Variants in PLB1 observed in about 807,000 individuals in gnomAD.
The protein encoded by PLB1 is phospholipase B1, also known as phospholipase B1, membrane-associated.
In PLB1, 242 loss-of-function variants were observed where a neutral mutation model predicts 227.4. The observed-to-expected ratio is 1.06, with a 90% CI of 0.96 to 1.18. The LOEUF is 1.18. Among genes scored for constraint, PLB1 ranks in the 50% most tolerant of loss-of-function variants. The pLI is 0.00. For synonymous variants in PLB1, 757 were observed against 682.2 expected (o/e 1.11, Z -1.71); for missense variants, 1,858 against 1,816.3 (o/e 1.02, Z -0.42).
intron 32 of PLB1, 84 bp from the exon 33 acceptor site, chr2:28,593,597 C>T: frequency 8.5e-7 from 1 of 1,176,070 alleles, no homozygotes; most frequent in South Asian, 1.3e-5. Context: ...ATTGGGAACC[C>T]CCTCTTTGGA....
chr2:28,534,844 ACT>A lies in PLB1; in HGVS notation c.555+2653_555+2654del, dbSNP rs370343044. Among the ~76,000 whole-genome samples the A allele has an allele frequency of 3.0e-3, 457 of 149,992 alleles. 2 individuals are homozygous for A. The highest frequency in any genetic ancestry group is 0.011 in the African/African-American group (440 of 40,868). On this transcript the variant is annotated intron_variant, in intron 9 of 57. Transcript: ENST00000327757. ...ACTCCAGCCTGGGTGACAGAGAGAGACTCTGTCTCAAAAGAAAATAAAAAAAA... is the reference window on the plus strand; with the variant it reads ...ACTCCAGCCTGGGTGACAGAGAGAGACTGTCTCAAAAGAAAATAAAAAAAA...
intron 33 of PLB1, chr2:28,594,444 A>C (rs1367872590): frequency 6.1e-6 from 1 of 163,846 alleles, no homozygotes; most frequent in Non-Finnish European, 1.3e-5. Flanking sequence ...TTTACCTGGG[A>C]AAACAACTAG....
Position 28,620,263 on chromosome 2 carries a change from A to C in PLB1, c.3316-2A>C. 6.3e-7 allele frequency: 1 copy of C among 1,592,948 alleles called. No homozygotes were observed. The highest frequency in any genetic ancestry group is 8.6e-7 in the Non-Finnish European group (1 of 1,167,476). ...CCTGAACTTTCTTTTTGCTTTTTAC[A>C]GACAGCAGTGGGAGCTCGACCAAAC... is the stretch of plus-strand genomic sequence containing the variant. On this transcript the variant is annotated splice_acceptor_variant, in intron 46 of 57. Coordinates refer to ENST00000327757, the MANE Select transcript of PLB1 (RefSeq NM_153021.5). LOFTEE classifies it high-confidence loss of function.
chr2:28,593,532 C>A, intron 32 of PLB1, 149 bp from the exon 33 acceptor site: 1 of 664,834 alleles, frequency 1.5e-6, no homozygotes, highest in South Asian at 1.8e-5. Context: ...AGGAGGATGG[C>A]AGACTTAGAG....
At chr2:28,562,956 G>A in intron 17 of PLB1, 85 bp from the exon 18 acceptor site, 2 of 1,290,262 alleles carry the variant, frequency 1.6e-6, no homozygotes, top group East Asian at 2.3e-5. Context: ...TGTTATCCTG[G>A]AAGTTGTTCC....
At chr2:28,566,478 A>G in intron 19 of PLB1, 2 of 336,768 alleles carry the variant, frequency 5.9e-6, no homozygotes, top group Non-Finnish European at 1.1e-5. Flanking sequence ...GCTAGTTGGA[A>G]AGGGGCTGGC....
At chr2:28,549,386 CTG>C (rs1309573941) in intron 15 of PLB1, among the ~76,000 whole-genome samples, 5 of 145,518 alleles carry the variant, frequency 3.4e-5, no homozygotes, top group Non-Finnish European at 3.0e-5. Flanking sequence ...GAGAAAATAA[CTG>C]GACATAAATG....
chr2:28,558,898 T>A (rs1036487303), intron 17 of PLB1, among the ~76,000 whole-genome samples: 2 of 152,180 alleles, frequency 1.3e-5, no homozygotes, highest in African/African-American at 4.8e-5. Flanking sequence ...TAGTCTTTTT[T>A]TTCTTTTTTA....
chr2:28,507,606 C>T (rs1409217113), intron 1 of PLB1, among the ~76,000 whole-genome samples: 1 of 152,212 alleles, frequency 6.6e-6, no homozygotes, highest in Non-Finnish European at 1.5e-5. Context: ...ATCCAAACCA[C>T]AGCAATCCCA....
chr2:28,566,768 C>G (rs773415182), intron 19 of PLB1, 28 bp from the exon 20 acceptor site: 9 of 1,613,444 alleles, frequency 5.6e-6, no homozygotes, highest in Non-Finnish European at 7.6e-6. Flanking sequence ...TTTAACCCTT[C>G]ATTTTCTTTC....
intron 57 of PLB1, among the ~76,000 whole-genome samples, chr2:28,641,847 G>A (rs1345041039): frequency 6.6e-6 from 1 of 151,986 alleles, no homozygotes; most frequent in Non-Finnish European, 1.5e-5. Flanking sequence ...AGACCTTCCT[G>A]GAAATAACTT....
chr2:28,567,680 G>A (rs1443067003), intron 20 of PLB1, among the ~76,000 whole-genome samples: 6 of 151,984 alleles, frequency 3.9e-5, no homozygotes, highest in Non-Finnish European at 5.9e-5. Context: ...CACCATGTTG[G>A]CCAGGATGGT....
chr2:28,502,122 A>G (rs1435524420), intron 1 of PLB1, among the ~76,000 whole-genome samples: 1 of 152,196 alleles, frequency 6.6e-6, no homozygotes, highest in East Asian at 1.9e-4. Context: ...TTATTTTTTC[A>G]TAGCTTGACA....
intron 17 of PLB1, among the ~76,000 whole-genome samples, chr2:28,556,380 A>AG (rs1675122663): frequency 6.6e-6 from 1 of 152,238 alleles, no homozygotes; most frequent in Admixed American, 6.5e-5. Flanking sequence ...ACGGGGCCCT[A>AG]GGATGAGATA....
At chr2:28,572,841 T>C (rs182656185) in intron 20 of PLB1, among the ~76,000 whole-genome samples, 28 of 152,322 alleles carry the variant, frequency 1.8e-4, no homozygotes, top group African/African-American at 5.8e-4. Context: ...ATTGTACAAC[T>C]GTGTGAATGT....
chr2:28,643,013 T>C lies in PLB1; in HGVS notation c.4329T>C (p.Gly1443=), dbSNP rs1181273024. The change falls in exon 58 of 58, where the codon GGT becomes GGC. Residue 1443 remains glycine, a synonymous_variant. Transcript: ENST00000327757. ...CAGTGGTCTGGAGGTGCAGGAGAGGTGGCCGGAGGGAAGATCCTCCAATGA... is the reference window on the plus strand; with the variant it reads ...CAGTGGTCTGGAGGTGCAGGAGAGGCGGCCGGAGGGAAGATCCTCCAATGA... ...IGTVVWRCRR[G]GRREDPPMSL... 6.2e-7 allele frequency: 1 copy of C among 1,610,474 alleles called. No individual in the cohort carries two copies. Among genetic ancestry groups the C allele is most frequent in the Non-Finnish European group, 8.5e-7 (1 of 1,178,770 alleles).
chr2:28,502,975 G>A (rs902899872), intron 1 of PLB1, among the ~76,000 whole-genome samples: 4 of 151,714 alleles, frequency 2.6e-5, no homozygotes, highest in African/African-American at 9.7e-5. Flanking sequence ...CTAGGAATGT[G>A]TCCATTTCGA....
At chr2:28,572,091 C>T (rs4666098) in intron 20 of PLB1, among the ~76,000 whole-genome samples, 121,842 of 152,138 alleles carry the variant, frequency 0.8, 49,136 homozygotes, top group Middle Eastern at 0.85. Flanking sequence ...CAGTTAAAAT[C>T]GGGCAAAGGA....
chr2:28,565,540 A>G (rs1251012028), intron 19 of PLB1, among the ~76,000 whole-genome samples, 187 bp downstream of exon 19: 1 of 138,818 alleles, frequency 7.2e-6, no homozygotes, highest in Non-Finnish European at 1.6e-5. Flanking sequence ...ATTGCCCAAA[A>G]CAGTAGCTGA....
Sources: allele counts gnomAD v4.1 joint callset (sites outside exome capture counted in the v4.1 genomes callset), GRCh38; gene constraint gnomAD v4.1.1; transcripts MANE v1.5; gene names NCBI Gene and HGNC (gene_info 2026-07-23, HGNC 2026-07-21).